The following GSG1L variants were observed in gnomAD, a reference collection of about 807,000 sequenced individuals.
GSG1L encodes germ cell-specific gene 1-like protein.
In GSG1L, 24 loss-of-function variants were observed where a neutral mutation model predicts 42.1. The ratio of observed to expected loss-of-function variants is 0.57; its 90% CI spans 0.41 to 0.80. The LOEUF is 0.80. Among genes scored for constraint, GSG1L ranks in the 30% least tolerant of loss-of-function variants. The probability of loss-of-function intolerance (pLI) is 0.00; values close to 1 mark genes in which losing one functional copy is unlikely to be tolerated. For synonymous variants in GSG1L, 215 were observed against 203.5 expected (o/e 1.06, Z -0.48); for missense variants, 445 against 472.2 (o/e 0.94, Z 0.53).
chr16:27,906,366 C>A (rs1257812143), intron 2 of GSG1L, among the ~76,000 whole-genome samples: 1 of 152,194 alleles, frequency 6.6e-6, no homozygotes, highest in Non-Finnish European at 1.5e-5. Context: ...AAACTTCTCA[C>A]TCAGAAGCCA....
chr16:27,849,490 T>G (rs1615164), intron 3 of GSG1L, among the ~76,000 whole-genome samples: 59,322 of 151,932 alleles, frequency 0.39, 12,157 homozygotes, highest in East Asian at 0.56. Flanking sequence ...GCTGTTTTTG[T>G]TTAGGCTGGT....
intron 1 of GSG1L, among the ~76,000 whole-genome samples, chr16:28,031,372 AGATGG>A (rs972786367): frequency 2.0e-5 from 2 of 100,324 alleles, no homozygotes; most frequent in Admixed American, 1.0e-4. Context: ...GGGTGGGATG[AGATGG>A]GATGGGATGG....
intron 5 of GSG1L, among the ~76,000 whole-genome samples, chr16:27,808,559 C>T (rs1330982485): frequency 6.6e-6 from 1 of 152,016 alleles, no homozygotes; most frequent in Non-Finnish European, 1.5e-5. Flanking sequence ...GCTGGGATTA[C>T]AGGTACCTGC....
intron 1 of GSG1L, among the ~76,000 whole-genome samples, chr16:27,963,817 A>G (rs1284828260): frequency 6.6e-6 from 1 of 152,036 alleles, no homozygotes; most frequent in Non-Finnish European, 1.5e-5. Context: ...TAACTCTCAC[A>G]GCACCTTGGA....
At chr16:27,909,311 A>C (rs927112123) in intron 2 of GSG1L, among the ~76,000 whole-genome samples, 8 of 137,960 alleles carry the variant, frequency 5.8e-5, no homozygotes, top group Non-Finnish European at 1.1e-4. Context: ...GGGAACAATT[A>C]TTTTTTCTTT....
At chr16:27,819,093 C>A (rs2083125187) in intron 5 of GSG1L, among the ~76,000 whole-genome samples, 1 of 151,846 alleles carries the variant, frequency 6.6e-6, no homozygotes. Context: ...ACTAAAAATA[C>A]AAAAAAATTA....
intron 1 of GSG1L, among the ~76,000 whole-genome samples, chr16:27,973,375 T>C (rs2141117374): frequency 8.1e-6 from 1 of 124,042 alleles, no homozygotes; most frequent in South Asian, 2.6e-4. Context: ...ACCCCGGAGG[T>C]GGAGGTTGCA....
chr16:27,903,841 G>C (rs1387610841), intron 2 of GSG1L, among the ~76,000 whole-genome samples: 1 of 152,036 alleles, frequency 6.6e-6, no homozygotes, highest in Non-Finnish European at 1.5e-5. Context: ...CACTGAGTGT[G>C]AGCCCCAGCT....
rs150769034 is a variant in GSG1L, at chr16:28,014,416, A to G, written c.349+48660T>C. 2.2e-3 allele frequency among the ~76,000 whole-genome samples: 331 copies of G among 152,280 alleles called. 2 individuals carry two copies. The highest frequency in any genetic ancestry group is 7.8e-3 in the African/African-American group (325 of 41,550). ...TCTGCTTCCATCTCTTTACATAGGT[A>G]TGCGGTTGATAATAGAGAAAACAAC... On this transcript the variant is annotated intron_variant, in intron 1 of 6. Transcript: ENST00000447459.
rs1023527394 is a variant in GSG1L, at chr16:27,790,529, G to A, written c.*841C>T. The A allele has an allele frequency of 6.6e-6, 1 of 152,224 alleles. No individual in the cohort carries two copies. The highest frequency in any genetic ancestry group is 1.5e-5 in the Non-Finnish European group (1 of 68,042). 9.4% of individuals were successfully genotyped at this position (152,224 alleles called of 1,614,324 possible). A position where few individuals can be genotyped will look rare whatever the true frequency, so the allele number is the denominator to read the frequency against. On this transcript the variant is annotated 3_prime_UTR_variant, in exon 7 of 7. Coordinates refer to ENST00000447459, the MANE Select transcript of GSG1L (RefSeq NM_001109763.2). ...AAGCCCTGGGATTTTCTGTAAAGGT[G>A]GTGCTAGGCACAGGGTAAAGCCTCC...
At chr16:27,947,432 AGGAAG>A (rs1567530620) in intron 2 of GSG1L, among the ~76,000 whole-genome samples, 1 of 109,854 alleles carries the variant, frequency 9.1e-6, no homozygotes, top group African/African-American at 3.1e-5. Flanking sequence ...AAGAAAGAGA[AGGAAG>A]GAAGGAAAGA....
chr16:27,995,999 A>C (rs975821862), intron 1 of GSG1L, among the ~76,000 whole-genome samples: 2 of 152,102 alleles, frequency 1.3e-5, no homozygotes, highest in African/African-American at 4.8e-5. Context: ...CAGGAGTTTG[A>C]GACCAGCCTC....
intron 3 of GSG1L, among the ~76,000 whole-genome samples, chr16:27,871,209 G>A (rs569967899): frequency 3.9e-5 from 6 of 152,254 alleles, no homozygotes; most frequent in African/African-American, 1.4e-4. Context: ...ACATGTAGCA[G>A]GTGGAGGCCA....
chr16:27,877,193 TG>T (rs1248142219), intron 3 of GSG1L, among the ~76,000 whole-genome samples: 1 of 151,918 alleles, frequency 6.6e-6, no homozygotes, highest in Non-Finnish European at 1.5e-5. Flanking sequence ...TCACAAGACT[TG>T]GGGGGAGTGG....
intron 1 of GSG1L, among the ~76,000 whole-genome samples, chr16:27,991,207 T>C (rs1306283470): frequency 6.6e-6 from 1 of 152,222 alleles, no homozygotes; most frequent in Admixed American, 6.5e-5. Flanking sequence ...ATTATTTGCC[T>C]ACAATTTGGA....
chr16:27,948,609 CTT>C (rs202151239), intron 2 of GSG1L, among the ~76,000 whole-genome samples: 3,241 of 116,548 alleles, frequency 0.028, 114 homozygotes, highest in African/African-American at 0.097. Flanking sequence ...TCTTCTTCTT[CTT>C]TTTTTTTTTT....
intron 5 of GSG1L, among the ~76,000 whole-genome samples, chr16:27,814,396 G>A (rs1417185970): frequency 2.6e-5 from 4 of 152,200 alleles, no homozygotes; most frequent in Admixed American, 1.3e-4. Flanking sequence ...ACAGGCGTGA[G>A]CCACTGTACC....
In GSG1L at chr16:27,828,887, C is replaced by A; in HGVS notation, c.732G>T (p.Thr244=). 6.2e-7 allele frequency: 1 copy of A among 1,614,182 alleles called. No homozygotes were observed. Among genetic ancestry groups the A allele is most frequent in the Non-Finnish European group, 8.5e-7 (1 of 1,180,038 alleles). The stretch of plus-strand genomic sequence containing the variant: ...TGCGCTTGTGCCGGAACTCAATGAC[C>A]GTCTTGGTGTAGGAGTTGAGCGTGG... ...SVTTLNSYTK[T]VIEFRHKRKV... is the part of the protein sequence containing the mutation. The change falls in exon 5 of 7, where the codon ACG becomes ACT. Residue 244 remains threonine, a synonymous_variant. Transcript: ENST00000447459.
chr16:27,991,257 A>C (rs1463394159), intron 1 of GSG1L, among the ~76,000 whole-genome samples: 1 of 152,170 alleles, frequency 6.6e-6, no homozygotes, highest in Admixed American at 6.6e-5. Flanking sequence ...CAAGTCTCTA[A>C]AGGAGAACTG....
Sources: gnomAD v4.1 joint callset for allele counts (sites outside exome capture counted in the v4.1 genomes callset) on GRCh38, gnomAD v4.1.1 for gene constraint, MANE v1.5 for transcripts, NCBI Gene and HGNC (gene_info 2026-07-23, HGNC 2026-07-21) for gene names.